The following EPS15 variants were observed in gnomAD, a reference collection of about 807,000 sequenced individuals.
EPS15 encodes the protein epidermal growth factor receptor pathway substrate 15, also known as epidermal growth factor receptor substrate 15.
EPS15 carries 72 observed loss-of-function variants against 113.8 expected under a neutral mutation model. The ratio of observed to expected loss-of-function variants is 0.63; its 90% CI spans 0.52 to 0.77. The LOEUF (loss-of-function observed/expected upper bound fraction) is 0.77, where lower values mean the gene tolerates loss of function less well. Among genes scored for constraint, EPS15 ranks in the 30% least tolerant of loss-of-function variants. The pLI is 0.00. For synonymous variants in EPS15, 344 were observed against 363.4 expected, an observed-to-expected ratio of 0.95 and a Z score of 0.61; for missense variants, 1,048 against 1,045.8, an observed-to-expected ratio of 1.00 and a Z score of -0.03.
chr1:51,489,951 C>T (rs987350939), intron 1 of EPS15, among the ~76,000 whole-genome samples: 3 of 152,132 alleles, frequency 2.0e-5, no homozygotes, highest in Admixed American at 1.3e-4. Flanking sequence ...ACGTGAAAAA[C>T]AAATAAACCC....
At chr1:51,486,469 G>A (rs1033316881) in intron 1 of EPS15, among the ~76,000 whole-genome samples, 1 of 148,720 alleles carries the variant, frequency 6.7e-6, no homozygotes, top group Non-Finnish European at 1.5e-5. Context: ...CTACAATTTT[G>A]CAACACTTAA....
intron 1 of EPS15, among the ~76,000 whole-genome samples, chr1:51,501,008 A>G (rs1295020842): frequency 2.6e-5 from 4 of 152,012 alleles, no homozygotes; most frequent in African/African-American, 9.7e-5. Context: ...AAAGAAAGAA[A>G]ATTGACAATC....
rs116100001 is a variant in EPS15, at chr1:51,490,292, A to C, written c.34-8978T>G. 903 of 449,136 alleles carry C rather than the reference A, an allele frequency of 2.0e-3. 8 individuals are homozygous for C. The highest frequency in any genetic ancestry group is 0.016 in the African/African-American group (815 of 49,486). The allele number at this position is 449,136 out of a possible 1,614,324, so 27.8% of individuals were successfully genotyped here. A position where few individuals can be genotyped will look rare whatever the true frequency, so the allele number is the denominator to read the frequency against. On this transcript the variant is annotated intron_variant, in intron 1 of 24. Coordinates refer to ENST00000371733, the MANE Select transcript of EPS15 (RefSeq NM_001981.3). ...TACAGTACAATGTGGAAGGCCAGGC[A>C]TGGTGGCTCACACCTATAATCCCAG...
chr1:51,470,416 G>A (rs530662927), intron 4 of EPS15, among the ~76,000 whole-genome samples: 5 of 152,058 alleles, frequency 3.3e-5, no homozygotes, highest in Non-Finnish European at 7.4e-5. Flanking sequence ...AGGCCGAGGT[G>A]GGTGGATCAC....
In EPS15 at chr1:51,446,814, A is replaced by G. The variant is rs941890174; in HGVS notation, c.797+146T>C. On this transcript the variant is annotated intron_variant, in intron 10 of 24. Coordinates refer to ENST00000371733, the MANE Select transcript of EPS15 (RefSeq NM_001981.3). ...ATTCTCAAGCTTTTGTCCATTAGCCAGAAGAATTCTTCAGATTCTGATTTT... is the reference window on the plus strand; with the variant it reads ...ATTCTCAAGCTTTTGTCCATTAGCCGGAAGAATTCTTCAGATTCTGATTTT... 42 of 669,666 alleles carry G rather than the reference A, an allele frequency of 6.3e-5. No individual in the cohort carries two copies. The South Asian group carries it at 8.4e-4, about 13-fold the overall frequency. 41.5% of individuals were successfully genotyped at this position (669,666 alleles called of 1,614,324 possible). A position where few individuals can be genotyped will look rare whatever the true frequency, so the allele number is the denominator to read the frequency against.
Position 51,356,547 on chromosome 1 carries a change from G to GAAAA in EPS15, c.*149_*152dup. On this transcript the variant is annotated 3_prime_UTR_variant, in exon 25 of 25. Transcript: ENST00000371733. The stretch of plus-strand genomic sequence containing the variant: ...AAAAAAAAGACGAATCTGTAATGAA[G>GAAAA]AAAAAAAAAAAATCCTAAAATTTTG... 1 of 465,846 alleles carries GAAAA rather than the reference G, an allele frequency of 2.1e-6. No individual in the cohort carries two copies. Among genetic ancestry groups the GAAAA allele is most frequent in the Non-Finnish European group, 3.5e-6 (1 of 285,634 alleles). The allele number at this position is 465,846 out of a possible 1,614,324, so 28.9% of individuals were successfully genotyped here.
intron 21 of EPS15, among the ~76,000 whole-genome samples, chr1:51,369,457 A>T (rs1646592077): frequency 6.6e-6 from 1 of 152,240 alleles, no homozygotes; most frequent in South Asian, 2.1e-4. Flanking sequence ...GAGCCAGCAG[A>T]ACTGGGCTTT....
chr1:51,454,857 C>A (rs940327809), intron 8 of EPS15, among the ~76,000 whole-genome samples: 2 of 150,640 alleles, frequency 1.3e-5, no homozygotes, highest in Non-Finnish European at 3.0e-5. Flanking sequence ...GGGAAAACAG[C>A]GAAGGGGAAT....
At chr1:51,446,926 T>C (rs778063138) in intron 10 of EPS15, 34 bp downstream of exon 10, 2 of 1,534,788 alleles carry the variant, frequency 1.3e-6, no homozygotes, top group Admixed American at 4.1e-5. Flanking sequence ...TACAAAACCA[T>C]ATTTTTAAAA....
In EPS15 at chr1:51,354,680, G is replaced by A. The variant is rs1256698136; in HGVS notation, c.*2020C>T. Reference sequence around the variant, plus strand: ...ACTCTAAGACATTCATCCTACACAAGCGAGCACATATACATATATATTTAT... The same window carrying A: ...ACTCTAAGACATTCATCCTACACAAACGAGCACATATACATATATATTTAT... On this transcript the variant is annotated 3_prime_UTR_variant, in exon 25 of 25. Coordinates refer to ENST00000371733, the MANE Select transcript of EPS15 (RefSeq NM_001981.3). The A allele has an allele frequency of 5.4e-6, 1 of 183,678 alleles. No homozygotes were observed. Among genetic ancestry groups the A allele is most frequent in the Non-Finnish European group, 1.2e-5 (1 of 86,470 alleles). The allele number at this position is 183,678 out of a possible 1,614,324, so 11.4% of individuals were successfully genotyped here.
intron 20 of EPS15, among the ~76,000 whole-genome samples, chr1:51,396,608 A>C (rs1039006816): frequency 6.6e-6 from 1 of 152,144 alleles, no homozygotes; most frequent in Non-Finnish European, 1.5e-5. Flanking sequence ...AGAAAGGGAA[A>C]GGGCATAACC....
intron 1 of EPS15, among the ~76,000 whole-genome samples, chr1:51,495,829 T>C (rs1644315270): frequency 6.6e-6 from 1 of 152,082 alleles, no homozygotes; most frequent in Non-Finnish European, 1.5e-5. Context: ...CTTTGATTAG[T>C]GAAAGGTGAC....
chr1:51,486,827 G>T (rs550782697), intron 1 of EPS15, among the ~76,000 whole-genome samples: 6 of 151,062 alleles, frequency 4.0e-5, no homozygotes, highest in Admixed American at 2.0e-4. Context: ...GCTAATTTTT[G>T]TGTGTGTGTG....
intron 8 of EPS15, among the ~76,000 whole-genome samples, chr1:51,457,056 C>A (rs566918981): frequency 6.6e-6 from 1 of 152,044 alleles, no homozygotes; most frequent in African/African-American, 2.4e-5. Context: ...GAGGCCGAGG[C>A]GGGCAGATCA....
chr1:51,441,083 AT>A (rs1652563640), intron 11 of EPS15, among the ~76,000 whole-genome samples: 1 of 152,066 alleles, frequency 6.6e-6, no homozygotes, highest in African/African-American at 2.4e-5. Context: ...TGGTCCTTGT[AT>A]TCAGAAAATC....
chr1:51,460,182 G>C (rs990623603), intron 8 of EPS15, among the ~76,000 whole-genome samples: 3 of 152,074 alleles, frequency 2.0e-5, no homozygotes, highest in African/African-American at 7.2e-5. Flanking sequence ...AAGTTTGAAA[G>C]TAAAAGAAAT....
At chr1:51,396,497 G>C (rs1338022480) in intron 20 of EPS15, among the ~76,000 whole-genome samples, 1 of 152,058 alleles carries the variant, frequency 6.6e-6, no homozygotes, top group East Asian at 1.9e-4. Context: ...TCGGATTTGG[G>C]GTGCTCAACC....
chr1:51,505,229 T>C (rs1644478524), intron 1 of EPS15, among the ~76,000 whole-genome samples: 1 of 152,242 alleles, frequency 6.6e-6, no homozygotes, highest in South Asian at 2.1e-4. Context: ...ACCTTGTATA[T>C]GAATGCTTAT....
At chr1:51,424,632 G>A (rs1349276711) in intron 12 of EPS15, among the ~76,000 whole-genome samples, 1 of 152,136 alleles carries the variant, frequency 6.6e-6, no homozygotes, top group Non-Finnish European at 1.5e-5. Flanking sequence ...GGCTGGGTGT[G>A]GTGGCTCACA....
Sources: gnomAD v4.1 joint callset for allele counts (sites outside exome capture counted in the v4.1 genomes callset) on GRCh38, gnomAD v4.1.1 for gene constraint, MANE v1.5 for transcripts, NCBI Gene and HGNC (gene_info 2026-07-23, HGNC 2026-07-21) for gene names.